The following CHMP3 variants were observed in gnomAD, a reference collection of about 807,000 sequenced individuals.
CHMP3 encodes the protein charged multivesicular body protein 3.
Under a neutral mutation model 27.4 loss-of-function variants are expected in CHMP3, and 8 were observed. The observed-to-expected ratio is 0.29, with a 90% CI of 0.17 to 0.53. The LOEUF (loss-of-function observed/expected upper bound fraction) is 0.53, where lower values mean the gene tolerates loss of function less well. Ranked by LOEUF, CHMP3 falls within the 20% of genes least tolerant of loss-of-function variation. The pLI, the probability that CHMP3 is intolerant of heterozygous loss-of-function variation, is 0.96. For missense variants in CHMP3, 208 were observed against 271.5 expected, an observed-to-expected ratio of 0.77 and a Z score of 1.64; for synonymous variants, 86 against 85.5, an observed-to-expected ratio of 1.01 and a Z score of -0.03.
At chr2:86,558,678 C>T (rs1677224044) in intron 1 of CHMP3, among the ~76,000 whole-genome samples, 1 of 152,130 alleles carries the variant, frequency 6.6e-6, no homozygotes, top group Non-Finnish European at 1.5e-5. Flanking sequence ...GACCCACCTG[C>T]CTGCATCTTT....
chr2:86,527,505 G>T, intron 3 of CHMP3, among the ~76,000 whole-genome samples: 1 of 152,136 alleles, frequency 6.6e-6, no homozygotes, highest in South Asian at 2.1e-4. Flanking sequence ...TTTTCAAGCT[G>T]GCTATAAAAG....
At chr2:86,552,526 G>A (rs1486399894) in intron 1 of CHMP3, among the ~76,000 whole-genome samples, 1 of 152,186 alleles carries the variant, frequency 6.6e-6, no homozygotes, top group African/African-American at 2.4e-5. Flanking sequence ...CTAAGTGAAG[G>A]ATTACTGAAG....
At chr2:86,549,654 C>CTGTAATCTTA (rs1676795480) in intron 1 of CHMP3, among the ~76,000 whole-genome samples, 1 of 149,118 alleles carries the variant, frequency 6.7e-6, no homozygotes, top group African/African-American at 2.5e-5. Context: ...CGGGCAGAGG[C>CTGTAATCTTA]GCCCCTCACT....
At chr2:86,518,888 G>C (rs1039287211) in intron 3 of CHMP3, among the ~76,000 whole-genome samples, 4 of 152,118 alleles carry the variant, frequency 2.6e-5, no homozygotes, top group Admixed American at 2.6e-4. Flanking sequence ...TTGGGTTGCA[G>C]GACACTCACT....
chr2:86,514,464 C>G (rs906990498), intron 3 of CHMP3, among the ~76,000 whole-genome samples: 2 of 152,180 alleles, frequency 1.3e-5, no homozygotes, highest in African/African-American at 4.8e-5. Context: ...AAACTATCCT[C>G]AAATAGACTG....
chr2:86,535,065 T>C (rs1179298085), intron 2 of CHMP3, among the ~76,000 whole-genome samples: 1 of 152,100 alleles, frequency 6.6e-6, no homozygotes, highest in Non-Finnish European at 1.5e-5. Flanking sequence ...CAGACTAGCC[T>C]AGGCAACATG....
intron 1 of CHMP3, among the ~76,000 whole-genome samples, chr2:86,548,179 CT>C (rs55949258): frequency 0.27 from 30,812 of 115,954 alleles, 3,992 homozygotes; most frequent in African/African-American, 0.4. Flanking sequence ...GAGGAGTTCT[CT>C]TTTTTTTTTT....
chr2:86,527,883 C>G (rs957324895), intron 3 of CHMP3, among the ~76,000 whole-genome samples: 2 of 143,174 alleles, frequency 1.4e-5, no homozygotes, highest in Non-Finnish European at 3.0e-5. Context: ...ATCGCTTGAG[C>G]CTGGGAGGCG....
At chr2:86,512,884 G>A (rs1425058722) in intron 3 of CHMP3, among the ~76,000 whole-genome samples, 5 of 152,324 alleles carry the variant, frequency 3.3e-5, no homozygotes, top group African/African-American at 1.2e-4. Flanking sequence ...CCAAATGCTG[G>A]CGAGAATGTG....
chr2:86,537,844 A>G (rs1676210016), intron 2 of CHMP3, among the ~76,000 whole-genome samples: 1 of 152,224 alleles, frequency 6.6e-6, no homozygotes. Flanking sequence ...CACAGCTGCC[A>G]TGGAAAACAG....
intron 1 of CHMP3, among the ~76,000 whole-genome samples, chr2:86,554,816 C>CGCGTGTGTGT (rs138168191): frequency 1.4e-5 from 2 of 145,382 alleles, no homozygotes; most frequent in East Asian, 2.0e-4. Flanking sequence ...TGTGTGCGCG[C>CGCGTGTGTGT]GTGTGTGTGT....
chr2:86,532,793 G>T lies in CHMP3; in HGVS notation c.107-3396C>A, dbSNP rs149001178. ...CATTCCAGGATAAATCCCACTGGCC[G>T]TGATGTATACTCATTTTAATGTGTT... On this transcript the variant is annotated intron_variant, in intron 2 of 5. Transcript: ENST00000263856. Among the ~76,000 whole-genome samples the T allele has an allele frequency of 7.2e-5, 11 of 152,216 alleles. No homozygotes were observed. The East Asian group carries it at 1.7e-3, about 24-fold the overall frequency.
rs1357861983 is a variant in CHMP3, at chr2:86,551,147, G to C, written c.46-8835C>G. Among the ~76,000 whole-genome samples the C allele has an allele frequency of 6.6e-5, 10 of 152,178 alleles. 1 individual carries two copies. Among genetic ancestry groups the C allele is most frequent in the Admixed American group, 6.5e-4 (10 of 15,280 alleles). On this transcript the variant is annotated intron_variant, in intron 1 of 5. Coordinates refer to ENST00000263856, the MANE Select transcript of CHMP3 (RefSeq NM_016079.4). ...TAACTAATCTTAATTAATCCTATCAGGGGATAGAGATTATTTGAAACTGGT... is the reference window on the plus strand; with the variant it reads ...TAACTAATCTTAATTAATCCTATCACGGGATAGAGATTATTTGAAACTGGT...
At chr2:86,533,258 T>A (rs990297159) in intron 2 of CHMP3, among the ~76,000 whole-genome samples, 1 of 152,218 alleles carries the variant, frequency 6.6e-6, no homozygotes, top group Admixed American at 6.5e-5. Flanking sequence ...GTGGAATCAG[T>A]AGTAATGTCT....
At chr2:86,510,931 G>C (rs1333888070) in intron 3 of CHMP3, 2 of 156,636 alleles carry the variant, frequency 1.3e-5, no homozygotes, top group Non-Finnish European at 2.8e-5. Flanking sequence ...TTGGTCCTCA[G>C]AAAAATGAGA....
intron 1 of CHMP3, chr2:86,542,954 A>C (rs1253289354): frequency 1.3e-5 from 2 of 152,236 alleles, no homozygotes; most frequent in Non-Finnish European, 2.9e-5. Context: ...ACTGAAGGAA[A>C]ACCTGAGTTA....
At chr2:86,506,626 CT>C (rs973270185) in intron 5 of CHMP3, among the ~76,000 whole-genome samples, 1,656 of 131,286 alleles carry the variant, frequency 0.013, 4 homozygotes, top group East Asian at 0.029. Context: ...TGTTTCGAAC[CT>C]TTTTTTTTTT....
intron 3 of CHMP3, among the ~76,000 whole-genome samples, chr2:86,523,935 G>GA (rs925952104): frequency 1.3e-5 from 2 of 151,988 alleles, no homozygotes; most frequent in Admixed American, 6.6e-5. Context: ...GAATTCATGA[G>GA]AAAAAATGGA....
intron 1 of CHMP3, among the ~76,000 whole-genome samples, chr2:86,553,194 A>G (rs1340495559): frequency 1.3e-5 from 2 of 152,044 alleles, no homozygotes; most frequent in Non-Finnish European, 2.9e-5. Flanking sequence ...CTTGAACTTA[A>G]AAGTTGGAGG....
Sources: gnomAD v4.1 joint callset for allele counts (sites outside exome capture counted in the v4.1 genomes callset) on GRCh38, gnomAD v4.1.1 for gene constraint, MANE v1.5 for transcripts, NCBI Gene and HGNC (gene_info 2026-07-23, HGNC 2026-07-21) for gene names.